KDM5C: variants seen among roughly 807,000 people sequenced by gnomAD.
The protein encoded by KDM5C is lysine-specific demethylase 5C.
KDM5C carries 16 observed loss-of-function variants against 110.6 expected under a neutral mutation model. The ratio of observed to expected loss-of-function variants is 0.14; its 90% CI spans 0.10 to 0.22. The LOEUF is 0.22. KDM5C is among the 10% of genes least tolerant of loss of function. The pLI is 1.00. For missense variants in KDM5C, 681 were observed against 1,300.9 expected, an observed-to-expected ratio of 0.52 and a Z score of 7.33; for synonymous variants, 511 against 520.4, an observed-to-expected ratio of 0.98 and a Z score of 0.24.
At chrX:53,206,467 C>A (rs782598519) in intron 12 of KDM5C, among the ~76,000 whole-genome samples, 1 of 111,244 alleles carries the variant, frequency 9.0e-6, no homozygotes, top group Admixed American at 9.5e-5. Flanking sequence ...CAAATCATAC[C>A]GCAATAAAAC....
At position 53,216,058 on chromosome X, in the gene KDM5C, G is replaced by A; in HGVS notation, c.781+16C>T. The A allele has an allele frequency of 8.2e-7, 1 of 1,212,266 alleles. No homozygotes were observed. Among genetic ancestry groups the A allele is most frequent in the Non-Finnish European group, 1.1e-6 (1 of 895,590 alleles). On this transcript the variant is annotated intron_variant, in intron 6 of 25. Transcript: ENST00000375401. The stretch of plus-strand genomic sequence containing the variant: ...TTTCTCCCCAGGTGAGGCCACCCCA[G>A]CCTGTTAGGCCTTACCTTTCTTCCG...
chrX:53,192,865 C>G lies in KDM5C; in HGVS notation c.*102G>C. The G allele has an allele frequency of 2.5e-6, 2 of 798,181 alleles. No individual in the cohort carries two copies. Among genetic ancestry groups the G allele is most frequent in the Non-Finnish European group, 3.4e-6 (2 of 591,626 alleles). 65.8% of individuals were successfully genotyped at this position (798,181 alleles called of 1,213,427 possible). A position where few individuals can be genotyped will look rare whatever the true frequency, so the allele number is the denominator to read the frequency against. On this transcript the variant is annotated 3_prime_UTR_variant, in exon 26 of 26. Transcript: ENST00000375401. The stretch of plus-strand genomic sequence containing the variant: ...GGGCGGGTAGCAGGGATGGCCACCC[C>G]CCTACCCGCCCACCCCCCAAGAAGC...
downstream of KDM5C, among the ~76,000 whole-genome samples, chrX:53,186,459 G>A (rs782479630): frequency 1.8e-5 from 2 of 112,040 alleles, no homozygotes; most frequent in African/African-American, 6.5e-5. Flanking sequence ...ATCAAGCCAC[G>A]AAGTTATCTA....
chrX:53,214,937 C>T (rs1430550343), intron 7 of KDM5C, 90 bp from the exon 8 acceptor site: 2 of 1,022,144 alleles, frequency 2.0e-6, no homozygotes, highest in Non-Finnish European at 2.7e-6. Context: ...GCTAGTCATG[C>T]TAGGTCTGGA....
Position 53,225,018 on chromosome X carries a change from C to T in KDM5C, c.-129G>A, listed in dbSNP as rs2074001761. 1 of 853,122 alleles carries T rather than the reference C, an allele frequency of 1.2e-6. No homozygotes were observed. The highest frequency in any genetic ancestry group is 3.7e-5 in the Admixed American group (1 of 26,838). The allele number at this position is 853,122 out of a possible 1,213,427, so 70.3% of individuals were successfully genotyped here. A position where few individuals can be genotyped will look rare whatever the true frequency, so the allele number is the denominator to read the frequency against. ...CCTAAGCGGGGCAGCCGCCGCCCGC[C>T]GAGGGCCTAAGGGGGCGTGTGGCCG... On this transcript the variant is annotated 5_prime_UTR_variant, in exon 1 of 26. Transcript: ENST00000375401.
In KDM5C at chrX:53,222,193, C is replaced by T. The variant is rs930908756; in HGVS notation, c.151-1277G>A. 2.0e-4 allele frequency among the ~76,000 whole-genome samples: 22 copies of T among 109,038 alleles called. 1 individual carries two copies. Among genetic ancestry groups the T allele is most frequent in the Admixed American group, 1.9e-3 (19 of 10,228 alleles). The allele number at this position is 109,038 out of a possible 115,157, so 94.7% of individuals were successfully genotyped here. A position where few individuals can be genotyped will look rare whatever the true frequency, so the allele number is the denominator to read the frequency against. On this transcript the variant is annotated intron_variant, in intron 1 of 25. Transcript: ENST00000375401. ...TCATACATACATGCATACACGTGGG[C>T]GGGGGGGAGAGACAGTGAAAGAGAA...
At chrX:53,178,699 C>T (rs1933945059) in intron 25 of KDM5C, among the ~76,000 whole-genome samples, 1 of 112,377 alleles carries the variant, frequency 8.9e-6, no homozygotes, top group Non-Finnish European at 1.9e-5. Flanking sequence ...ATGTAAGTGC[C>T]CTTGGGTATG....
chrX:53,202,972 C>A (rs1569267229), intron 12 of KDM5C, among the ~76,000 whole-genome samples: 1 of 110,699 alleles, frequency 9.0e-6, no homozygotes, highest in Non-Finnish European at 1.9e-5. Context: ...ACGCCTGCCA[C>A]CACGCCCGGC....
In KDM5C at chrX:53,193,923, C is replaced by A. The variant is rs1366116110; in HGVS notation, c.4039-72G>T. The stretch of plus-strand genomic sequence containing the variant: ...CAGGCCCTATTCCTCCTCCGCCAAC[C>A]CCAAACTTGAGACCCTCCGCCTTCT... On this transcript the variant is annotated intron_variant, in intron 23 of 25. Transcript: ENST00000375401. 9 of 1,061,111 alleles carry A rather than the reference C, an allele frequency of 8.5e-6. No individual in the cohort carries two copies. In the Admixed American group the frequency reaches 2.1e-4, roughly 25 times the overall value. 87.4% of individuals were successfully genotyped at this position (1,061,111 alleles called of 1,213,427 possible). A position where few individuals can be genotyped will look rare whatever the true frequency, so the allele number is the denominator to read the frequency against.
chrX:53,223,000 AAAACC>A (rs1314703991), intron 1 of KDM5C, among the ~76,000 whole-genome samples: 1 of 111,969 alleles, frequency 8.9e-6, no homozygotes, highest in Non-Finnish European at 1.9e-5. Flanking sequence ...AGGAAAAAAC[AAAACC>A]AAACCAGAGA....
At chrX:53,216,742 T>TTA (rs2073753574) in intron 5 of KDM5C, among the ~76,000 whole-genome samples, 1 of 111,808 alleles carries the variant, frequency 8.9e-6, no homozygotes, top group African/African-American at 3.3e-5. Context: ...GAGTTCAAGA[T>TTA]TATAGTGCAT....
At position 53,211,718 on chromosome X, in the gene KDM5C, G is replaced by A. The variant is rs1386882699; in HGVS notation, c.1243-63C>T. 32 of 1,205,824 alleles carry A rather than the reference G, an allele frequency of 2.7e-5. No homozygotes were observed. In the African/African-American group the frequency reaches 3.5e-4, roughly 13 times the overall value. On this transcript the variant is annotated intron_variant, in intron 9 of 25. Coordinates refer to ENST00000375401, the MANE Select transcript of KDM5C (RefSeq NM_004187.5). ...ACACCCTGGACCCACTGATCCAGGT[G>A]AGCTGAGACCATCTGGCATCAATAC... is the stretch of plus-strand genomic sequence containing the variant.
intron 25 of KDM5C, among the ~76,000 whole-genome samples, chrX:53,181,908 C>A (rs1443788447): frequency 9.2e-6 from 1 of 109,136 alleles, no homozygotes; most frequent in Non-Finnish European, 1.9e-5. Flanking sequence ...CCTGCCTCAG[C>A]CTCCCGAGTA....
At chrX:53,197,967 C>G (rs1346878425) in intron 17 of KDM5C, 91 bp from the exon 18 acceptor site, 2 of 685,687 alleles carry the variant, frequency 2.9e-6, no homozygotes, top group Non-Finnish European at 4.6e-6. Context: ...CTCACTACAC[C>G]TGTCCACCTT....
chrX:53,187,765 C>CTT (rs112880217), downstream of KDM5C, among the ~76,000 whole-genome samples: 106 of 99,974 alleles, frequency 1.1e-3, 1 homozygote, highest in South Asian at 7.7e-3. Context: ...AAATAATTTT[C>CTT]TTTTTTTTTT....
In KDM5C at chrX:53,193,506, G is replaced by C; in HGVS notation, c.4248C>G (p.Asn1416Lys). Residue 1416 changes from asparagine to lysine, a missense_variant, in exon 25 of 26, where the codon AAC (asparagine) becomes AAG (lysine). This residue lies in a region of KDM5C where 3 missense variants were observed against 16.4 expected (regional missense o/e 0.18). Transcript: ENST00000375401. ...CCTGCAGCAGCTGCCATATGCTGTGGTTCTCATCCAGGGTCACCTCGAGCA... is the reference window on the plus strand; with the variant it reads ...CCTGCAGCAGCTGCCATATGCTGTGCTTCTCATCCAGGGTCACCTCGAGCA... ...GDLLEVTLDENHSIWQLLQAG... is the reference protein window; with the variant it reads ...GDLLEVTLDEKHSIWQLLQAG... 8.3e-7 allele frequency: 1 copy of C among 1,211,924 alleles called. No homozygotes were observed. The highest frequency in any genetic ancestry group is 1.1e-6 in the Non-Finnish European group (1 of 895,554).
chrX:53,220,690 T>C, intron 2 of KDM5C, 149 bp downstream of exon 2: 1 of 538,257 alleles, frequency 1.9e-6, no homozygotes, highest in Non-Finnish European at 3.3e-6. Flanking sequence ...TTCCACGCCC[T>C]GGGCACACTA....
intron 2 of KDM5C, among the ~76,000 whole-genome samples, chrX:53,219,408 A>G (rs2073838869): frequency 8.9e-6 from 1 of 112,752 alleles, no homozygotes; most frequent in African/African-American, 3.2e-5. Flanking sequence ...AGAATGGCCT[A>G]GAACTAAGAG....
chrX:53,176,327 A>G (rs1273558411), exon 26 of KDM5C, among the ~76,000 whole-genome samples: 1 of 111,958 alleles, frequency 8.9e-6, no homozygotes, highest in Non-Finnish European at 1.9e-5. Flanking sequence ...AGGAGATGGG[A>G]GACCAGTCTC....
Sources: gnomAD v4.1 joint callset for allele counts (sites outside exome capture counted in the v4.1 genomes callset) on GRCh38, gnomAD v4.1.1 for gene constraint, gnomAD v4.1.1 regional missense constraint, MANE v1.5 for transcripts, NCBI Gene and HGNC (gene_info 2026-07-23, HGNC 2026-07-21) for gene names.